Variants in KMO observed in about 807,000 individuals in gnomAD.
KMO encodes the protein kynurenine 3-monooxygenase, also known as kynurenine 3-hydroxylase.
Under a neutral mutation model 57.8 loss-of-function variants are expected in KMO, and 24 were observed. That is an observed-to-expected ratio of 0.42 (90% CI 0.30 to 0.58). The LOEUF is 0.58. Ranked by LOEUF, KMO falls within the 20% of genes least tolerant of loss-of-function variation. The pLI, the probability that KMO is intolerant of heterozygous loss-of-function variation, is 0.22. For missense variants in KMO, 483 were observed against 588.2 expected (o/e 0.82, Z 1.85); for synonymous variants, 210 against 193.6 (o/e 1.08, Z -0.70).
At chr1:241,586,640 T>G (rs1395121383) in intron 10 of KMO, 39 bp from the exon 11 acceptor site, 1 of 1,332,340 alleles carries the variant, frequency 7.5e-7, no homozygotes, top group African/African-American at 1.5e-5. Context: ...TTTTTTATTA[T>G]TTCTAGTTTC....
chr1:241,546,233 G>C (rs1472533340), intron 1 of KMO, among the ~76,000 whole-genome samples: 3 of 152,138 alleles, frequency 2.0e-5, no homozygotes, highest in Non-Finnish European at 4.4e-5. Flanking sequence ...TCCTGAGCAA[G>C]GGGTGCGGGA....
In KMO at chr1:241,548,115, A is replaced by T. The variant is rs1213308623; in HGVS notation, c.55-714A>T. Among the ~76,000 whole-genome samples the T allele has an allele frequency of 2.7e-5, 4 of 150,678 alleles. No homozygotes were observed. In the Admixed American group the frequency reaches 2.7e-4, roughly 10 times the overall value. On this transcript the variant is annotated intron_variant, in intron 1 of 14. Transcript: ENST00000366559. ...CACACACACACACACACACAGTGTG[A>T]TTCTAACTATAGGGTTTTAAAAAAT...
rs1573943446 is a variant in KMO, at chr1:241,590,198, C to T, written c.1201-6C>T. 6.2e-7 allele frequency: 1 copy of T among 1,612,806 alleles called. No homozygotes were observed. On this transcript the variant is annotated splice_region_variant and splice_polypyrimidine_tract_variant and intron_variant, in intron 13 of 14. Transcript: ENST00000366559. Reference sequence around the variant, plus strand: ...ACACAAGAATACTTTTTAAACTTCCCTGCAGGTCACTTTTTCCAGAATAAG... The same window carrying T: ...ACACAAGAATACTTTTTAAACTTCCTTGCAGGTCACTTTTTCCAGAATAAG...
At chr1:241,586,658 T>C (rs750372521) in intron 10 of KMO, 21 bp from the exon 11 acceptor site, 17 of 1,499,826 alleles carry the variant, frequency 1.1e-5, no homozygotes, top group Non-Finnish European at 1.4e-5. Context: ...TTCTTATTTC[T>C]CTTTTTTTTT....
Position 241,593,270 on chromosome 1 carries a change from C to A in KMO, c.*1117C>A. On this transcript the variant is annotated 3_prime_UTR_variant, in exon 15 of 15. Coordinates refer to ENST00000366559, the MANE Select transcript of KMO (RefSeq NM_003679.5). ...CTCAGAAGCAATTTACTAATTTATT[C>A]TTCGACTACATACTGCAGCAGAACC... 1 of 323,550 alleles carries A rather than the reference C, an allele frequency of 3.1e-6. No individual in the cohort carries two copies. The allele number at this position is 323,550 out of a possible 1,614,324, so 20.0% of individuals were successfully genotyped here.
At chr1:241,561,872 C>G (rs533576892) in intron 6 of KMO, among the ~76,000 whole-genome samples, 1 of 152,308 alleles carries the variant, frequency 6.6e-6, no homozygotes, top group Admixed American at 6.5e-5. Flanking sequence ...AACACTTGCC[C>G]TGTTTTCAAG....
chr1:241,546,120 A>G (rs1190680427), intron 1 of KMO, among the ~76,000 whole-genome samples: 1 of 152,148 alleles, frequency 6.6e-6, no homozygotes, highest in Non-Finnish European at 1.5e-5. Flanking sequence ...TGATTTCCAG[A>G]CAGGCCCTTG....
rs140860937 is a variant in KMO, at chr1:241,533,473, G to T, written c.54+975G>T. On this transcript the variant is annotated intron_variant, in intron 1 of 14. Coordinates refer to ENST00000366559, the MANE Select transcript of KMO (RefSeq NM_003679.5). ...TTAGTGTCTTTTCCCCAAAGTGCTA[G>T]AACAGTTCTTTTAATATTTCTGATT... Among the ~76,000 whole-genome samples the T allele has an allele frequency of 7.5e-3, 1,138 of 152,270 alleles. 9 individuals are homozygous for T. The highest frequency in any genetic ancestry group is 0.014 in the Admixed American group (211 of 15,284).
At position 241,548,810 on chromosome 1, in the gene KMO, A is replaced by AT. The variant is rs143977547; in HGVS notation, c.55-10dup. On this transcript the variant is annotated intron_variant, in intron 1 of 14. Coordinates refer to ENST00000366559, the MANE Select transcript of KMO (RefSeq NM_003679.5). Reference sequence around the variant, plus strand: ...ATTTGTGGAATCAGATAAATATTTAATTTTTTTTTAATTTCTAGGTTGGCT... The same window carrying AT: ...ATTTGTGGAATCAGATAAATATTTAATTTTTTTTTTAATTTCTAGGTTGGCT... 49,183 of 1,449,912 alleles carry AT rather than the reference A, an allele frequency of 0.034. 907 individuals are homozygous for AT. The highest frequency in any genetic ancestry group is 0.035 in the Non-Finnish European group (36,889 of 1,041,552). The allele number at this position is 1,449,912 out of a possible 1,614,324, so 89.8% of individuals were successfully genotyped here. A position where few individuals can be genotyped will look rare whatever the true frequency, so the allele number is the denominator to read the frequency against.
chr1:241,571,540 G>A (rs996212523), intron 10 of KMO, among the ~76,000 whole-genome samples: 8 of 152,102 alleles, frequency 5.3e-5, no homozygotes, highest in African/African-American at 1.9e-4. Context: ...CAATTGAAAT[G>A]ATCATATGGT....
At chr1:241,536,466 T>C in intron 1 of KMO, 1 of 978,488 alleles carries the variant, frequency 1.0e-6, no homozygotes. Flanking sequence ...TTTTCAGTGT[T>C]TACAGGTATG....
At chr1:241,559,719 C>A (rs1326033966) in intron 5 of KMO, among the ~76,000 whole-genome samples, 1 of 152,078 alleles carries the variant, frequency 6.6e-6, no homozygotes, top group African/African-American at 2.4e-5. Context: ...TTATTTTCCC[C>A]ATTTTTTTCA....
At chr1:241,544,463 C>T (rs917966892) in intron 1 of KMO, among the ~76,000 whole-genome samples, 2 of 152,102 alleles carry the variant, frequency 1.3e-5, no homozygotes, top group African/African-American at 4.8e-5. Context: ...TCAAGGGTAA[C>T]TTCTACTGCA....
At position 241,541,984 on chromosome 1, in the gene KMO, T is replaced by G. The variant is rs552326857; in HGVS notation, c.55-6845T>G. Among the ~76,000 whole-genome samples, 6 of 137,562 alleles carry G rather than the reference T, an allele frequency of 4.4e-5. No homozygotes were observed. The South Asian group carries it at 1.3e-3, about 30-fold the overall frequency. The allele number at this position is 137,562 out of a possible 152,430, so 90.2% of individuals were successfully genotyped here. A position where few individuals can be genotyped will look rare whatever the true frequency, so the allele number is the denominator to read the frequency against. On this transcript the variant is annotated intron_variant, in intron 1 of 14. Transcript: ENST00000366559. ...AAGTCAAAAGTAGTTGACAAATGTT[T>G]AATATTGCACTATCAGATTAATTTC...
chr1:241,589,501 C>G (rs1663159953), intron 12 of KMO, among the ~76,000 whole-genome samples: 1 of 152,136 alleles, frequency 6.6e-6, no homozygotes, highest in African/African-American at 2.4e-5. Flanking sequence ...AAAATTGCAT[C>G]AGATGTGGTA....
rs183604448 is a variant in KMO at position 241,586,816 on chromosome 1, C to T, written c.1015+80C>T. On this transcript the variant is annotated intron_variant, in intron 11 of 14. Transcript: ENST00000366559. ...GGGCTTATTTCTGATCCTCAATGAT[C>T]ACAAACCTGTGATGTATAATGTATA... The T allele has an allele frequency of 4.4e-4, 428 of 977,334 alleles. 1 individual carries two copies. The highest frequency in any genetic ancestry group is 6.0e-4 in the Non-Finnish European group (380 of 630,790). 60.5% of individuals were successfully genotyped at this position (977,334 alleles called of 1,614,324 possible). A position where few individuals can be genotyped will look rare whatever the true frequency, so the allele number is the denominator to read the frequency against.
rs1662755865 is a variant in KMO at position 241,581,669 on chromosome 1, T to C, written c.958-5010T>C. On this transcript the variant is annotated intron_variant, in intron 10 of 14. Transcript: ENST00000366559. ...GAGAAAACTAAACAACTCTACACTT[T>C]AACTCCATCCCCCTGGCATTTTGAC... 5.9e-5 allele frequency among the ~76,000 whole-genome samples: 9 copies of C among 152,090 alleles called. 1 individual carries two copies. The highest frequency in any genetic ancestry group is 4.6e-4 in the Admixed American group (7 of 15,274).
rs1661583124 is a variant in KMO at position 241,555,613 on chromosome 1, A to G, written c.314A>G (p.Tyr105Cys). 6.5e-7 allele frequency: 1 copy of G among 1,541,730 alleles called. No individual in the cohort carries two copies. The highest frequency in any genetic ancestry group is 9.0e-7 in the Non-Finnish European group (1 of 1,115,948). ...SAIPYGTKSQ[Y>C]ILSVSRENLN... ...GTATCTACTCTACTTTTCTTGCAGTATATTCTTTCTGTAAGCAGAGAAAAT... is the reference window on the plus strand; with the variant it reads ...GTATCTACTCTACTTTTCTTGCAGTGTATTCTTTCTGTAAGCAGAGAAAAT... The change falls in exon 5 of 15, where the codon TAT (tyrosine) becomes TGT (cysteine). Residue 105 changes from tyrosine (Y) to cysteine (C), a missense_variant and splice_region_variant. Transcript: ENST00000366559.
intron 10 of KMO, among the ~76,000 whole-genome samples, chr1:241,573,925 T>G (rs1179900051): frequency 6.6e-6 from 1 of 152,140 alleles, no homozygotes; most frequent in Admixed American, 6.5e-5. Context: ...CATTTGTTTG[T>G]GTCATCTATG....
Sources: allele counts gnomAD v4.1 joint callset (sites outside exome capture counted in the v4.1 genomes callset), GRCh38; gene constraint gnomAD v4.1.1; transcripts MANE v1.5; gene names NCBI Gene and HGNC (gene_info 2026-07-23, HGNC 2026-07-21).